The following ZMAT4 variants were observed in gnomAD, a reference collection of about 807,000 sequenced individuals.
ZMAT4 encodes the protein zinc finger matrin-type 4, also known as zinc finger matrin-type protein 4.
Under a neutral mutation model 28.7 loss-of-function variants are expected in ZMAT4, and 17 were observed. The ratio of observed to expected loss-of-function variants is 0.59; its 90% CI spans 0.41 to 0.89. ZMAT4 has a LOEUF of 0.89. ZMAT4 is among the 40% of genes least tolerant of loss of function. The probability of loss-of-function intolerance (pLI) is 0.00; values close to 1 mark genes in which losing one functional copy is unlikely to be tolerated. For synonymous variants in ZMAT4, 117 were observed against 109.2 expected, an observed-to-expected ratio of 1.07 and a Z score of -0.44; for missense variants, 240 against 283.8, an observed-to-expected ratio of 0.85 and a Z score of 1.11.
At chr8:40,829,017 G>A (rs894721558) in intron 1 of ZMAT4, among the ~76,000 whole-genome samples, 1 of 151,854 alleles carries the variant, frequency 6.6e-6, no homozygotes, top group African/African-American at 2.4e-5. Context: ...GAGCCCACGC[G>A]CTACTCCAGC....
chr8:40,744,275 T>C (rs1356660879), intron 3 of ZMAT4, among the ~76,000 whole-genome samples: 1 of 152,092 alleles, frequency 6.6e-6, no homozygotes, highest in African/African-American at 2.4e-5. Flanking sequence ...GGAGTCCGTG[T>C]CCCTAGCCAG....
At chr8:40,586,653 A>C (rs1266388082) in intron 5 of ZMAT4, among the ~76,000 whole-genome samples, 1 of 152,190 alleles carries the variant, frequency 6.6e-6, no homozygotes, top group Non-Finnish European at 1.5e-5. Context: ...ATGACTACTC[A>C]ATATGTCTTT....
chr8:40,875,255 A>G (rs1488853919), intron 1 of ZMAT4, among the ~76,000 whole-genome samples: 5 of 152,104 alleles, frequency 3.3e-5, no homozygotes, highest in African/African-American at 4.8e-5. Flanking sequence ...TACACATACA[A>G]ACTCTTGTCC....
At chr8:40,753,924 A>G (rs1812562097) in intron 3 of ZMAT4, among the ~76,000 whole-genome samples, 1 of 152,206 alleles carries the variant, frequency 6.6e-6, no homozygotes, top group Non-Finnish European at 1.5e-5. Context: ...ACAGTGGCTC[A>G]CGCTTGTAAT....
chr8:40,844,653 C>T (rs374102303), intron 1 of ZMAT4, among the ~76,000 whole-genome samples: 32 of 127,364 alleles, frequency 2.5e-4, no homozygotes, highest in African/African-American at 8.4e-4. Flanking sequence ...TGCTCTCTCT[C>T]ATTCTGTGTG....
At chr8:40,573,824 A>G (rs1804176933) in intron 6 of ZMAT4, among the ~76,000 whole-genome samples, 1 of 152,210 alleles carries the variant, frequency 6.6e-6, no homozygotes, top group Non-Finnish European at 1.5e-5. Context: ...TCACTAATCC[A>G]TGAAGGAACT....
intron 2 of ZMAT4, among the ~76,000 whole-genome samples, chr8:40,821,514 A>G (rs765107834): frequency 1.1e-4 from 16 of 152,208 alleles, no homozygotes; most frequent in Non-Finnish European, 2.2e-4. Context: ...ATAGATTTTT[A>G]AAGCATAGCA....
At chr8:40,873,774 A>G (rs959982108) in intron 1 of ZMAT4, among the ~76,000 whole-genome samples, 2 of 152,192 alleles carry the variant, frequency 1.3e-5, no homozygotes, top group Non-Finnish European at 2.9e-5. Flanking sequence ...CGGTTAGGAC[A>G]TGTGACCTTT....
intron 1 of ZMAT4, among the ~76,000 whole-genome samples, chr8:40,828,263 G>C (rs1816150138): frequency 6.6e-6 from 1 of 152,130 alleles, no homozygotes; most frequent in African/African-American, 2.4e-5. Flanking sequence ...AACTTACTAA[G>C]GTATATTTTT....
In ZMAT4 at chr8:40,845,618, A is replaced by G. The variant is rs139868072; in HGVS notation, c.-4-19938T>C. Among the ~76,000 whole-genome samples, 1,163 of 152,150 alleles carry G rather than the reference A, an allele frequency of 7.6e-3. 26 individuals carry two copies. Among genetic ancestry groups the G allele is most frequent in the African/African-American group, 0.027 (1,121 of 41,514 alleles). ...ACAGGCAAGACAGGGGCTTATGTTC[A>G]GGCAAGATAGTCCTGACACAGTGAG... is the stretch of plus-strand genomic sequence containing the variant. On this transcript the variant is annotated intron_variant, in intron 1 of 6. Transcript: ENST00000297737.
At chr8:40,772,547 G>A (rs1563473905) in intron 2 of ZMAT4, among the ~76,000 whole-genome samples, 2 of 152,182 alleles carry the variant, frequency 1.3e-5, no homozygotes, top group African/African-American at 2.4e-5. Flanking sequence ...AAAACGTGGC[G>A]ATAACAAAGC....
chr8:40,874,790 A>G (rs1007369202), intron 1 of ZMAT4, among the ~76,000 whole-genome samples: 2 of 152,032 alleles, frequency 1.3e-5, no homozygotes, highest in African/African-American at 4.8e-5. Flanking sequence ...CCTAATTATA[A>G]CTCTTGGTCT....
intron 4 of ZMAT4, among the ~76,000 whole-genome samples, chr8:40,676,464 C>A (rs1266640179): frequency 6.6e-6 from 1 of 152,132 alleles, no homozygotes; most frequent in Non-Finnish European, 1.5e-5. Context: ...ATGCAGCTGG[C>A]AAAACCACGA....
chr8:40,599,306 G>T (rs1585736702), intron 5 of ZMAT4, among the ~76,000 whole-genome samples: 1 of 152,148 alleles, frequency 6.6e-6, no homozygotes, highest in Non-Finnish European at 1.5e-5. Flanking sequence ...TATAATTTAG[G>T]TTAATTAGTA....
chr8:40,750,074 T>C (rs1812392619), intron 3 of ZMAT4, among the ~76,000 whole-genome samples: 1 of 152,192 alleles, frequency 6.6e-6, no homozygotes, highest in Non-Finnish European at 1.5e-5. Context: ...TCTGCAAGGT[T>C]TTCTGGTGTT....
intron 5 of ZMAT4, among the ~76,000 whole-genome samples, chr8:40,608,817 G>A (rs898062658): frequency 7.2e-5 from 11 of 152,246 alleles, no homozygotes; most frequent in African/African-American, 2.6e-4. Context: ...CTCAGCTCCA[G>A]GTAAGATTAA....
At chr8:40,534,971 C>T (rs944688020) in intron 6 of ZMAT4, among the ~76,000 whole-genome samples, 1 of 152,134 alleles carries the variant, frequency 6.6e-6, no homozygotes, top group Admixed American at 6.5e-5. Flanking sequence ...GTGTGAGCCA[C>T]TGCGTCCGGC....
chr8:40,812,886 T>C (rs1815377854), intron 2 of ZMAT4, among the ~76,000 whole-genome samples: 1 of 151,744 alleles, frequency 6.6e-6, no homozygotes, highest in African/African-American at 2.4e-5. Flanking sequence ...TGAGCCGAGA[T>C]TGTGCCACTG....
intron 1 of ZMAT4, among the ~76,000 whole-genome samples, chr8:40,866,547 T>C (rs1470652373): frequency 6.6e-6 from 1 of 152,246 alleles, no homozygotes; most frequent in Admixed American, 6.5e-5. Flanking sequence ...CTTGGTGTTT[T>C]ATAGATTACT....
Sources: gnomAD v4.1 joint callset for allele counts (sites outside exome capture counted in the v4.1 genomes callset) on GRCh38, gnomAD v4.1.1 for gene constraint, MANE v1.5 for transcripts, NCBI Gene and HGNC (gene_info 2026-07-23, HGNC 2026-07-21) for gene names.